B4GALNT3: variants seen among roughly 807,000 people sequenced by gnomAD.
B4GALNT3 encodes beta-1,4-N-acetylgalactosaminyltransferase 3.
B4GALNT3 carries 86 observed loss-of-function variants against 120.2 expected under a neutral mutation model. That is an observed-to-expected ratio of 0.72 (90% CI 0.60 to 0.86). The LOEUF is 0.86. B4GALNT3 is among the 40% of genes least tolerant of loss of function. B4GALNT3 has a pLI of 0.00. For synonymous variants in B4GALNT3, 518 were observed against 510.4 expected, an observed-to-expected ratio of 1.01 and a Z score of -0.20; for missense variants, 1,167 against 1,298.9, an observed-to-expected ratio of 0.90 and a Z score of 1.56.
chr12:532,055 C>G (rs1946813699), intron 1 of B4GALNT3, among the ~76,000 whole-genome samples: 1 of 141,934 alleles, frequency 7.0e-6, no homozygotes, highest in South Asian at 2.2e-4. Context: ...ATCCTGCTGC[C>G]TTGGCCTCCC....
At position 557,620 on chromosome 12, in the gene B4GALNT3, C is replaced by A; in HGVS notation, c.2393C>A (p.Ala798Glu). 6.2e-7 allele frequency: 1 copy of A among 1,610,684 alleles called. No homozygotes were observed. Residue 798 changes from alanine (A) to glutamate (E), a missense_variant, in exon 16 of 20, where the codon GCA (alanine) becomes GAA (glutamate). By Grantham distance (107) the Ala-to-Glu change is moderately radical (BLOSUM62 -1). Around this residue, in one of 3 missense-constraint regions of B4GALNT3, gnomAD observed 983 missense variants for 1,102.5 expected, o/e 0.89. Coordinates refer to ENST00000266383, the MANE Select transcript of B4GALNT3 (RefSeq NM_173593.4). The stretch of plus-strand genomic sequence containing the variant: ...CCCCCTGGGGTAGTGAAGAACCAGG[C>A]ACGCTGGGTACAGCAATTCATCAAA... Reference protein sequence around the residue: ...VHFVVPVKNQARWVQQFIKDM... With the variant: ...VHFVVPVKNQERWVQQFIKDM...
At chr12:512,349 C>T (rs1368030156) in intron 1 of B4GALNT3, among the ~76,000 whole-genome samples, 1 of 146,626 alleles carries the variant, frequency 6.8e-6, no homozygotes, top group Admixed American at 6.7e-5. Context: ...CCACCTTCCA[C>T]CTTCCGCCTT....
chr12:509,010 G>T (rs898543358), intron 1 of B4GALNT3, among the ~76,000 whole-genome samples: 5 of 152,192 alleles, frequency 3.3e-5, no homozygotes, highest in Non-Finnish European at 7.3e-5. Flanking sequence ...ACTTAGGAGT[G>T]GTGGAGATAC....
At chr12:535,387 C>T (rs1040521819) in intron 2 of B4GALNT3, 118 bp downstream of exon 2, 21 of 798,246 alleles carry the variant, frequency 2.6e-5, no homozygotes, top group Non-Finnish European at 4.0e-5. Flanking sequence ...AGAGGATAAA[C>T]AGCCCCCAGA....
At position 492,051 on chromosome 12, in the gene B4GALNT3, G is replaced by A. The variant is rs1464024699; in HGVS notation, c.169+31506G>A. 5.6e-4 allele frequency among the ~76,000 whole-genome samples: 34 copies of A among 60,926 alleles called. 1 individual carries two copies. Among genetic ancestry groups the A allele is most frequent in the Non-Finnish European group, 7.7e-4 (24 of 31,278 alleles). 40.0% of individuals were successfully genotyped at this position (60,926 alleles called of 152,430 possible). A position where few individuals can be genotyped will look rare whatever the true frequency, so the allele number is the denominator to read the frequency against. ...CCAGTTTGGGCACCAGAACGAGACC[G>A]TCTCAAAAAAAAAAAAGAACAAGGC... On this transcript the variant is annotated intron_variant, in intron 1 of 19. Coordinates refer to ENST00000266383, the MANE Select transcript of B4GALNT3 (RefSeq NM_173593.4).
At chr12:551,106 T>A in intron 11 of B4GALNT3, 75 bp downstream of exon 11, 1 of 1,258,590 alleles carries the variant, frequency 7.9e-7, no homozygotes, top group Non-Finnish European at 1.1e-6. Flanking sequence ...TGGGAGGTGG[T>A]GAGGCTGACT....
intron 1 of B4GALNT3, among the ~76,000 whole-genome samples, chr12:475,918 C>A (rs141649483): frequency 4.6e-5 from 7 of 152,270 alleles, no homozygotes; most frequent in African/African-American, 1.7e-4. Context: ...AGAATCGGGT[C>A]GGCGCAGGCT....
In B4GALNT3 at chr12:548,381, G is replaced by T. The variant is rs896474978; in HGVS notation, c.853+84G>T. 2.9e-6 allele frequency: 4 copies of T among 1,365,068 alleles called. No homozygotes were observed. Among genetic ancestry groups the T allele is most frequent in the Middle Eastern group, 1.8e-4 (1 of 5,596 alleles). 84.6% of individuals were successfully genotyped at this position (1,365,068 alleles called of 1,614,324 possible). ...GGGGATTTGGCAGGGGAGGAGGGGAGGAGGGGAGGAAGGAAGCTCGAGATG... is the reference window on the plus strand; with the variant it reads ...GGGGATTTGGCAGGGGAGGAGGGGATGAGGGGAGGAAGGAAGCTCGAGATG... On this transcript the variant is annotated intron_variant, in intron 9 of 19. Transcript: ENST00000266383. The surrounding 1 kb of genome is among the most constrained non-coding windows in gnomAD (Gnocchi z 4.9).
intron 1 of B4GALNT3, among the ~76,000 whole-genome samples, chr12:517,883 C>T (rs1436209332): frequency 6.6e-6 from 1 of 152,202 alleles, no homozygotes; most frequent in South Asian, 2.1e-4. Flanking sequence ...ACAATACTGG[C>T]TTCACAGGAT....
At chr12:469,336 A>T (rs915498660) in intron 1 of B4GALNT3, among the ~76,000 whole-genome samples, 4 of 152,190 alleles carry the variant, frequency 2.6e-5, no homozygotes, top group Non-Finnish European at 5.9e-5. Context: ...AGCCGAGCAC[A>T]TATTAGGATC....
At chr12:470,812 C>A (rs576125209) in intron 1 of B4GALNT3, among the ~76,000 whole-genome samples, 5 of 152,136 alleles carry the variant, frequency 3.3e-5, no homozygotes, top group Non-Finnish European at 5.9e-5. Flanking sequence ...GATCTCGGCT[C>A]ACTCTAACCT....
At chr12:503,436 GT>G (rs1434963830) in intron 1 of B4GALNT3, among the ~76,000 whole-genome samples, 1 of 152,182 alleles carries the variant, frequency 6.6e-6, no homozygotes, top group Non-Finnish European at 1.5e-5. Context: ...GCCATCAGCT[GT>G]CAAATCCTCC....
intron 1 of B4GALNT3, among the ~76,000 whole-genome samples, chr12:478,523 T>A (rs1230898528): frequency 6.6e-6 from 1 of 152,202 alleles, no homozygotes; most frequent in Non-Finnish European, 1.5e-5. Context: ...GGGCAAAAAC[T>A]ACCCAAGGTA....
chr12:512,569 C>CCTTCCAG (rs1946597689), intron 1 of B4GALNT3, among the ~76,000 whole-genome samples: 1 of 145,670 alleles, frequency 6.9e-6, no homozygotes, highest in African/African-American at 2.6e-5. Context: ...CCACCTTCCA[C>CCTTCCAG]CTTCCACCTT....
intron 1 of B4GALNT3, among the ~76,000 whole-genome samples, chr12:463,578 A>G (rs185419410): frequency 2.1e-4 from 32 of 152,274 alleles, no homozygotes; most frequent in Middle Eastern, 3.5e-3. Flanking sequence ...TAAGGTGCCT[A>G]TATCAAAATG....
chr12:514,168 T>C (rs1016396750), intron 1 of B4GALNT3, among the ~76,000 whole-genome samples: 2 of 151,998 alleles, frequency 1.3e-5, no homozygotes, highest in African/African-American at 4.8e-5. Flanking sequence ...TTCTCTATGT[T>C]CTTGCCAACA....
intron 13 of B4GALNT3, 96 bp downstream of exon 13, chr12:552,624 A>T (rs1220008249): frequency 1.6e-6 from 2 of 1,213,742 alleles, no homozygotes; most frequent in Non-Finnish European, 1.2e-6. Flanking sequence ...CCCGCCCCTG[A>T]GGAGCTCAAG....
intron 1 of B4GALNT3, among the ~76,000 whole-genome samples, chr12:512,237 C>T (rs1484111052): frequency 1.2e-5 from 1 of 83,312 alleles, no homozygotes; most frequent in Non-Finnish European, 2.2e-5. Context: ...TTCCACCTTC[C>T]ACCTTCCACC....
chr12:557,990 C>T (rs370749836), intron 16 of B4GALNT3, 26 bp from the exon 17 acceptor site: 206 of 1,612,220 alleles, frequency 1.3e-4, no homozygotes, highest in Non-Finnish European at 1.2e-4. Context: ...AGTCCTGATA[C>T]GCAGCCCTCT....
Sources: allele counts gnomAD v4.1 joint callset (sites outside exome capture counted in the v4.1 genomes callset), GRCh38; gene constraint gnomAD v4.1.1; regional missense constraint gnomAD v4.1.1; non-coding constraint Gnocchi (gnomAD v3.1); transcripts MANE v1.5; gene names NCBI Gene and HGNC (gene_info 2026-07-23, HGNC 2026-07-21).